Variants in GPC6 observed in about 807,000 individuals in gnomAD.
GPC6 encodes glypican-6.
In GPC6, 14 loss-of-function variants were observed where a neutral mutation model predicts 55.2. The ratio of observed to expected loss-of-function variants is 0.25; its 90% CI spans 0.17 to 0.40. The LOEUF (loss-of-function observed/expected upper bound fraction) is 0.40. GPC6 is among the 10% of genes least tolerant of loss of function. GPC6 has a pLI of 1.00. For missense variants in GPC6, 641 were observed against 708.5 expected, an observed-to-expected ratio of 0.90 and a Z score of 1.08; for synonymous variants, 278 against 259.6, an observed-to-expected ratio of 1.07 and a Z score of -0.68.
intron 2 of GPC6, among the ~76,000 whole-genome samples, chr13:93,682,594 C>CA (rs778290298): frequency 1.3e-5 from 2 of 152,078 alleles, no homozygotes; most frequent in African/African-American, 2.4e-5. Flanking sequence ...TTAGAAGGCA[C>CA]ATTCAGTTTC....
At chr13:93,647,713 A>G (rs1359660804) in intron 2 of GPC6, among the ~76,000 whole-genome samples, 1 of 152,112 alleles carries the variant, frequency 6.6e-6, no homozygotes, top group Non-Finnish European at 1.5e-5. Context: ...TCAAATGACA[A>G]ATCTTTCACT....
chr13:93,947,680 C>G (rs1326817507), intron 3 of GPC6, among the ~76,000 whole-genome samples: 1 of 151,938 alleles, frequency 6.6e-6, no homozygotes, highest in Non-Finnish European at 1.5e-5. Flanking sequence ...ATTAACACTG[C>G]TTAGCATCAA....
intron 4 of GPC6, among the ~76,000 whole-genome samples, chr13:94,205,875 T>C (rs1416903099): frequency 6.6e-6 from 1 of 152,216 alleles, no homozygotes; most frequent in East Asian, 1.9e-4. Context: ...TCTGGAACAC[T>C]GGTTTTCAAC....
intron 3 of GPC6, among the ~76,000 whole-genome samples, chr13:93,996,965 A>G (rs931636239): frequency 6.6e-6 from 1 of 152,156 alleles, no homozygotes; most frequent in African/African-American, 2.4e-5. Flanking sequence ...GTGAAGCACA[A>G]TTACCTCATG....
chr13:93,435,757 A>T (rs576652820), intron 1 of GPC6, among the ~76,000 whole-genome samples: 81 of 152,304 alleles, frequency 5.3e-4, no homozygotes, highest in Admixed American at 1.4e-3. Context: ...CAACAATTAG[A>T]AGTAAAGCTA....
At chr13:93,482,108 G>C (rs191483297) in intron 1 of GPC6, among the ~76,000 whole-genome samples, 2 of 151,952 alleles carry the variant, frequency 1.3e-5, no homozygotes. Flanking sequence ...AAATTTCAGC[G>C]TACGCCTCTT....
rs59631105 is a variant in GPC6 at position 94,224,256 on chromosome 13, A to AATATAT, written c.878-62070_878-62065dup. 3.5e-3 allele frequency among the ~76,000 whole-genome samples: 508 copies of AATATAT among 143,940 alleles called. 4 individuals carry two copies. Among genetic ancestry groups the AATATAT allele is most frequent in the African/African-American group, 8.3e-3 (329 of 39,600 alleles). The allele number at this position is 143,940 out of a possible 152,430, so 94.4% of individuals were successfully genotyped here. A position where few individuals can be genotyped will look rare whatever the true frequency, so the allele number is the denominator to read the frequency against. ...TCTTTATTTTTGTATATCATCTTTA[A>AATATAT]ATATATATATATATATATATATATA... On this transcript the variant is annotated intron_variant, in intron 4 of 8. Coordinates refer to ENST00000377047, the MANE Select transcript of GPC6 (RefSeq NM_005708.5).
At chr13:94,001,618 G>A in intron 3 of GPC6, among the ~76,000 whole-genome samples, 1 of 152,112 alleles carries the variant, frequency 6.6e-6, no homozygotes, top group East Asian at 1.9e-4. Context: ...CTAAATTGTT[G>A]TGCGTTGGCA....
intron 3 of GPC6, among the ~76,000 whole-genome samples, chr13:93,898,940 A>AATATATATATATATATATATATAT (rs66531953): frequency 7.3e-5 from 10 of 136,658 alleles, no homozygotes; most frequent in African/African-American, 1.6e-4. Flanking sequence ...ATTATATATA[A>AATATATATATATATATATATATAT]ATATATATAT....
chr13:94,012,942 A>G (rs990932818), intron 3 of GPC6, among the ~76,000 whole-genome samples: 1 of 152,222 alleles, frequency 6.6e-6, no homozygotes, highest in African/African-American at 2.4e-5. Flanking sequence ...CTAGCTGAGG[A>G]AGACAACTAT....
intron 1 of GPC6, among the ~76,000 whole-genome samples, chr13:93,374,099 A>C (rs1874786969): frequency 1.3e-5 from 2 of 152,320 alleles, no homozygotes; most frequent in Admixed American, 1.3e-4. Context: ...GTAGCTATAC[A>C]TAGAGGTTCT....
chr13:94,143,479 C>G lies in GPC6; in HGVS notation c.877+115585C>G, dbSNP rs898848459. On this transcript the variant is annotated intron_variant, in intron 4 of 8. Transcript: ENST00000377047. ...AAAAATCATATTAAATTTTTTGTCACTCTTTAGAATCATGACATTCTTCTC... is the reference window on the plus strand; with the variant it reads ...AAAAATCATATTAAATTTTTTGTCAGTCTTTAGAATCATGACATTCTTCTC... 2.0e-5 allele frequency among the ~76,000 whole-genome samples: 3 copies of G among 152,136 alleles called. No homozygotes were observed. The South Asian group carries it at 6.2e-4, about 31-fold the overall frequency.
chr13:93,950,282 GC>G (rs2140371925), intron 3 of GPC6, among the ~76,000 whole-genome samples: 1 of 152,252 alleles, frequency 6.6e-6, no homozygotes, highest in South Asian at 2.1e-4. Flanking sequence ...AACGTTAGAA[GC>G]CTAATTGCCA....
intron 3 of GPC6, among the ~76,000 whole-genome samples, chr13:93,947,760 T>G (rs763859140): frequency 3.3e-5 from 5 of 151,434 alleles, no homozygotes; most frequent in Non-Finnish European, 7.4e-5. Flanking sequence ...GCCACCACAA[T>G]CAGAAGTTTC....
chr13:93,339,984 TTAA>T (rs1218225198), intron 1 of GPC6, among the ~76,000 whole-genome samples: 2 of 151,960 alleles, frequency 1.3e-5, no homozygotes, highest in East Asian at 1.9e-4. Flanking sequence ...TATGGTTTAG[TTAA>T]TAATAATCCA....
chr13:93,614,220 C>CA (rs1057059400), intron 2 of GPC6, among the ~76,000 whole-genome samples: 12 of 152,088 alleles, frequency 7.9e-5, no homozygotes, highest in Middle Eastern at 6.8e-3. Context: ...TATTACTCCT[C>CA]AAAAAAAATT....
At chr13:93,304,773 T>C (rs1480608289) in intron 1 of GPC6, among the ~76,000 whole-genome samples, 1 of 152,156 alleles carries the variant, frequency 6.6e-6, no homozygotes, top group African/African-American at 2.4e-5. Context: ...AGAGAATTAC[T>C]AAGAGGATCT....
chr13:94,240,990 G>A (rs934020480), intron 4 of GPC6, among the ~76,000 whole-genome samples: 2 of 152,182 alleles, frequency 1.3e-5, no homozygotes, highest in African/African-American at 4.8e-5. Flanking sequence ...TGAGCTGCAT[G>A]TTTGTGTGTC....
intron 4 of GPC6, among the ~76,000 whole-genome samples, chr13:94,234,849 A>G (rs768307824): frequency 3.3e-5 from 5 of 152,192 alleles, no homozygotes; most frequent in Non-Finnish European, 7.3e-5. Flanking sequence ...TCTAAGTGAT[A>G]TAAGCAAATC....
Sources: allele counts gnomAD v4.1 joint callset (sites outside exome capture counted in the v4.1 genomes callset), GRCh38; gene constraint gnomAD v4.1.1; transcripts MANE v1.5; gene names NCBI Gene and HGNC (gene_info 2026-07-23, HGNC 2026-07-21).